Variants in SCAF4 observed in about 807,000 individuals in gnomAD.
SCAF4 encodes SR-related CTD associated factor 4.
A neutral mutation model predicts 129.8 loss-of-function variants in SCAF4; 25 were observed. The observed-to-expected ratio is 0.19, with a 90% confidence interval of 0.14 to 0.27. The LOEUF (loss-of-function observed/expected upper bound fraction) is 0.27. Among genes scored for constraint, SCAF4 ranks in the 10% least tolerant of loss-of-function variants. The pLI is 1.00. For missense variants in SCAF4, 1,246 were observed against 1,457.1 expected, an observed-to-expected ratio of 0.86 and a Z score of 2.36; for synonymous variants, 551 against 497.7, an observed-to-expected ratio of 1.11 and a Z score of -1.43.
chr21:31,675,099 G>C (rs1601172982), intron 19 of SCAF4, among the ~76,000 whole-genome samples: 1 of 152,152 alleles, frequency 6.6e-6, no homozygotes, highest in Non-Finnish European at 1.5e-5. Flanking sequence ...ATATAGCAAG[G>C]TAAAGCAGTG....
intron 1 of SCAF4, among the ~76,000 whole-genome samples, chr21:31,711,723 T>A (rs910681596): frequency 1.3e-5 from 2 of 152,248 alleles, no homozygotes; most frequent in East Asian, 3.9e-4. Flanking sequence ...ACTGTACAGC[T>A]ATGTTAAGTG....
intron 1 of SCAF4, among the ~76,000 whole-genome samples, chr21:31,724,434 C>T (rs1263913324): frequency 1.3e-5 from 2 of 152,174 alleles, no homozygotes; most frequent in Non-Finnish European, 2.9e-5. Flanking sequence ...TACCTGACAA[C>T]ACAGTGTAGT....
At chr21:31,679,877 ATTAC>A (rs1337888528) in intron 19 of SCAF4, among the ~76,000 whole-genome samples, 7 of 152,238 alleles carry the variant, frequency 4.6e-5, no homozygotes, top group African/African-American at 1.7e-4. Flanking sequence ...CATAATAATA[ATTAC>A]TTAAGTATGT....
chr21:31,682,453 T>C (rs1483999046), intron 19 of SCAF4, among the ~76,000 whole-genome samples: 1 of 152,198 alleles, frequency 6.6e-6, no homozygotes, highest in Admixed American at 6.5e-5. Flanking sequence ...GTAATGTAAT[T>C]TTAGAATTGC....
At chr21:31,690,100 A>C (rs529254539) in intron 15 of SCAF4, among the ~76,000 whole-genome samples, 1 of 152,270 alleles carries the variant, frequency 6.6e-6, no homozygotes, top group South Asian at 2.1e-4. Context: ...CCCACAAATA[A>C]CTGCAATTCA....
intron 10 of SCAF4, 42 bp downstream of exon 10, chr21:31,694,771 G>C: frequency 6.3e-7 from 1 of 1,586,894 alleles, no homozygotes; most frequent in African/African-American, 1.3e-5. Flanking sequence ...TATAAGTCAA[G>C]GCAACAAAAA....
intron 9 of SCAF4, 126 bp from the exon 10 acceptor site, chr21:31,695,106 T>C (rs577728916): frequency 1.8e-4 from 134 of 735,558 alleles, no homozygotes; most frequent in Non-Finnish European, 2.8e-4. Flanking sequence ...ACATTCAACA[T>C]TGTTTAACAA....
chr21:31,700,206 T>C (rs2050490832), intron 7 of SCAF4, among the ~76,000 whole-genome samples: 1 of 149,362 alleles, frequency 6.7e-6, no homozygotes, highest in Admixed American at 6.7e-5. Context: ...ACAAATAATA[T>C]ATAATTTTAT....
At chr21:31,692,710 A>G (rs1312176902) in intron 12 of SCAF4, among the ~76,000 whole-genome samples, 1 of 152,252 alleles carries the variant, frequency 6.6e-6, no homozygotes, top group Non-Finnish European at 1.5e-5. Context: ...TTACATCTAT[A>G]AAAACTGAAG....
chr21:31,689,325 T>C (rs552877166), intron 15 of SCAF4, among the ~76,000 whole-genome samples: 38 of 151,426 alleles, frequency 2.5e-4, no homozygotes, highest in African/African-American at 9.2e-4. Flanking sequence ...TGAGACAGAG[T>C]CTTGCTCTGT....
At chr21:31,713,133 T>C (rs1049085131) in intron 1 of SCAF4, among the ~76,000 whole-genome samples, 1 of 152,228 alleles carries the variant, frequency 6.6e-6, no homozygotes, top group Non-Finnish European at 1.5e-5. Flanking sequence ...TAAAGCAAAG[T>C]TGCAATTTAT....
Position 31,688,341 on chromosome 21 carries a change from G to C in SCAF4, c.2009C>G (p.Pro670Arg), listed in dbSNP as rs370273212. The C allele has an allele frequency of 1.2e-6, 2 of 1,613,554 alleles. No individual in the cohort carries two copies. Among genetic ancestry groups the C allele is most frequent in the Middle Eastern group, 3.3e-4 (2 of 6,056 alleles). ...TGGCACTGTTATAGGTGCAGGAACA[G>C]GAATAGGAGGGACAGGCACAGGTAA... Reference protein sequence around the residue: ...KPLPVPVPPIPVPAPITVPPP... With the variant: ...KPLPVPVPPIRVPAPITVPPP... The change falls in exon 16 of 20, where the codon CCT becomes CGT. Residue 670 changes from proline (P) to arginine (R), a missense_variant. Pro to Arg is a moderately radical substitution (Grantham distance 103). Around this residue, in one of 6 missense-constraint regions of SCAF4, gnomAD observed 468 missense variants for 605.5 expected, o/e 0.77. Coordinates refer to ENST00000286835, the MANE Select transcript of SCAF4 (RefSeq NM_020706.2).
At chr21:31,712,513 TG>T (rs1287329382) in intron 1 of SCAF4, among the ~76,000 whole-genome samples, 3 of 149,588 alleles carry the variant, frequency 2.0e-5, no homozygotes, top group Non-Finnish European at 4.4e-5. Flanking sequence ...CCACCATGTC[TG>T]GCCTGATTCT....
At chr21:31,706,634 G>T in intron 1 of SCAF4, 1 of 401,022 alleles carries the variant, frequency 2.5e-6, no homozygotes, top group Non-Finnish European at 4.5e-6. Flanking sequence ...CAATCGGCAT[G>T]GCTGTCAGCT....
At chr21:31,677,171 A>C (rs1299917644) in intron 19 of SCAF4, among the ~76,000 whole-genome samples, 1 of 152,112 alleles carries the variant, frequency 6.6e-6, no homozygotes, top group African/African-American at 2.4e-5. Flanking sequence ...CCTGCACCTG[A>C]ATCCACATTA....
chr21:31,692,796 T>C (rs1457191884), intron 12 of SCAF4, among the ~76,000 whole-genome samples: 1 of 152,206 alleles, frequency 6.6e-6, no homozygotes, highest in East Asian at 1.9e-4. Flanking sequence ...AGTCTCTTGA[T>C]TACCAACCAG....
chr21:31,702,629 G>A (rs1246865212), intron 4 of SCAF4, among the ~76,000 whole-genome samples: 1 of 151,970 alleles, frequency 6.6e-6, no homozygotes, highest in African/African-American at 2.4e-5. Context: ...TTTATTATTT[G>A]ACATTTTCAT....
intron 19 of SCAF4, among the ~76,000 whole-genome samples, chr21:31,677,677 C>G (rs571096057): frequency 1.0e-3 from 156 of 152,298 alleles, no homozygotes; most frequent in Non-Finnish European, 1.8e-3. Flanking sequence ...CTCTACTTGG[C>G]TTTCAGATTA....
intron 19 of SCAF4, among the ~76,000 whole-genome samples, chr21:31,681,772 C>G (rs1269648135): frequency 6.6e-6 from 1 of 152,208 alleles, no homozygotes; most frequent in Admixed American, 6.5e-5. Context: ...TACAACTCAA[C>G]TAATTACTCC....
Sources: allele counts gnomAD v4.1 joint callset (sites outside exome capture counted in the v4.1 genomes callset), GRCh38; gene constraint gnomAD v4.1.1; regional missense constraint gnomAD v4.1.1; transcripts MANE v1.5; gene names NCBI Gene and HGNC (gene_info 2026-07-23, HGNC 2026-07-21).